KAZN: variants seen among roughly 807,000 people sequenced by gnomAD.
KAZN encodes the protein kazrin.
KAZN carries 40 observed loss-of-function variants against 87.4 expected under a neutral mutation model. The ratio of observed to expected loss-of-function variants is 0.46; its 90% CI spans 0.36 to 0.60. KAZN has a LOEUF of 0.60. KAZN is among the 20% of genes least tolerant of loss of function. The probability of loss-of-function intolerance (pLI) is 0.00; values close to 1 mark genes in which losing one functional copy is unlikely to be tolerated. For synonymous variants in KAZN, 466 were observed against 458.3 expected (o/e 1.02, Z -0.22); for missense variants, 898 against 1,073.9 (o/e 0.84, Z 2.29).
intron 2 of KAZN, among the ~76,000 whole-genome samples, chr1:14,220,861 A>C (rs1401487175): frequency 6.6e-6 from 1 of 152,134 alleles, no homozygotes; most frequent in Admixed American, 6.5e-5. Context: ...AAATGGCCTT[A>C]ATTTACATTG....
chr1:14,967,953 C>T (rs1021850778), intron 2 of KAZN, among the ~76,000 whole-genome samples: 1 of 152,120 alleles, frequency 6.6e-6, no homozygotes, highest in African/African-American at 2.4e-5. Context: ...GCACCAGGGA[C>T]CGGTTTCATG....
chr1:14,933,137 G>T (rs150961198), intron 1 of KAZN, among the ~76,000 whole-genome samples: 2 of 152,184 alleles, frequency 1.3e-5, no homozygotes, highest in African/African-American at 2.4e-5. Flanking sequence ...TGTTGCCCAA[G>T]CTGGAGTCCA....
intron 1 of KAZN, among the ~76,000 whole-genome samples, chr1:14,140,306 A>G (rs1193308606): frequency 6.6e-6 from 1 of 152,126 alleles, no homozygotes; most frequent in East Asian, 1.9e-4. Context: ...AATAAGACAC[A>G]TGGCTATGAG....
At chr1:14,644,283 A>G (rs1334940927) in intron 1 of KAZN, among the ~76,000 whole-genome samples, 3 of 151,128 alleles carry the variant, frequency 2.0e-5, no homozygotes, top group Non-Finnish European at 4.4e-5. Context: ...AAATGCTGGG[A>G]TTACAGGCAT....
At chr1:14,684,029 G>T (rs1451981868) in intron 1 of KAZN, among the ~76,000 whole-genome samples, 3 of 152,114 alleles carry the variant, frequency 2.0e-5, no homozygotes, top group African/African-American at 7.2e-5. Context: ...CTTTATTCTA[G>T]AATAGAATTA....
At chr1:14,456,623 C>A (rs987111387) in intron 2 of KAZN, among the ~76,000 whole-genome samples, 9 of 152,144 alleles carry the variant, frequency 5.9e-5, no homozygotes, top group African/African-American at 2.2e-4. Flanking sequence ...CTAATATCTG[C>A]AAAATATTAC....
intron 11 of KAZN, 55 bp from the exon 12 acceptor site, chr1:15,103,304 C>T (rs911151831): frequency 5.3e-6 from 7 of 1,331,844 alleles, no homozygotes; most frequent in Non-Finnish European, 7.4e-6. Context: ...CCACTCCACA[C>T]GTGGCCTCTG....
chr1:14,299,511 A>G (rs1213800921), intron 2 of KAZN, among the ~76,000 whole-genome samples: 1 of 152,026 alleles, frequency 6.6e-6, no homozygotes, highest in Non-Finnish European at 1.5e-5. Flanking sequence ...TCTCAAAAAA[A>G]GAAAAGAAAA....
chr1:14,254,458 A>T (rs1045075452), intron 2 of KAZN, among the ~76,000 whole-genome samples: 9 of 152,126 alleles, frequency 5.9e-5, no homozygotes, highest in Non-Finnish European at 1.2e-4. Flanking sequence ...ACAGCCCCTA[A>T]TGGCTGATTG....
chr1:14,939,973 C>T (rs1469062124), intron 1 of KAZN, among the ~76,000 whole-genome samples: 2 of 152,172 alleles, frequency 1.3e-5, no homozygotes, highest in Non-Finnish European at 2.9e-5. Context: ...CTAGCCTGAT[C>T]ATCCCACCCA....
chr1:14,791,016 G>C (rs985711142), intron 1 of KAZN, among the ~76,000 whole-genome samples: 8 of 152,138 alleles, frequency 5.3e-5, no homozygotes, highest in African/African-American at 1.9e-4. Context: ...GGGAGGGCAG[G>C]CTGGATTCCA....
At chr1:14,607,618 T>G (rs1677473701) in intron 1 of KAZN, among the ~76,000 whole-genome samples, 1 of 152,210 alleles carries the variant, frequency 6.6e-6, no homozygotes, top group Admixed American at 6.5e-5. Flanking sequence ...CAGGGACTCC[T>G]GTCTGGCCAG....
chr1:14,016,697 T>C (rs1640589702), intron 1 of KAZN, among the ~76,000 whole-genome samples: 1 of 152,182 alleles, frequency 6.6e-6, no homozygotes, highest in Admixed American at 6.5e-5. Flanking sequence ...CCTCTGACCT[T>C]TGTTTTTGTG....
intron 1 of KAZN, among the ~76,000 whole-genome samples, chr1:14,793,077 G>T (rs1268090157): frequency 6.6e-6 from 1 of 152,108 alleles, no homozygotes; most frequent in Non-Finnish European, 1.5e-5. Context: ...TGTGTGGCAT[G>T]TTAAGGCGGT....
chr1:14,117,020 G>C (rs533864226), intron 1 of KAZN, among the ~76,000 whole-genome samples: 1 of 152,316 alleles, frequency 6.6e-6, no homozygotes, highest in Non-Finnish European at 1.5e-5. Flanking sequence ...TTGTCTGTAG[G>C]AAGTAACTAA....
chr1:14,193,156 G>T (rs544967700), intron 2 of KAZN, among the ~76,000 whole-genome samples: 1 of 152,088 alleles, frequency 6.6e-6, no homozygotes, highest in Non-Finnish European at 1.5e-5. Context: ...CCTTGCTTCC[G>T]CTTCACCTTC....
chr1:14,023,286 C>A (rs565653594), intron 1 of KAZN, among the ~76,000 whole-genome samples: 1 of 152,150 alleles, frequency 6.6e-6, no homozygotes, highest in East Asian at 1.9e-4. Context: ...TGCTCCACTG[C>A]GCTCCAGCCT....
At chr1:14,376,099 G>A (rs576662175) in intron 2 of KAZN, among the ~76,000 whole-genome samples, 11 of 152,258 alleles carry the variant, frequency 7.2e-5, no homozygotes, top group Admixed American at 1.3e-4. Flanking sequence ...CATGGACCCA[G>A]CACCTGAACA....
intron 2 of KAZN, among the ~76,000 whole-genome samples, chr1:14,526,157 A>G (rs1671851939): frequency 6.6e-6 from 1 of 152,196 alleles, no homozygotes; most frequent in African/African-American, 2.4e-5. Context: ...CTGGCTTTGA[A>G]GCCCTCCTCA....
Sources: allele counts gnomAD v4.1 joint callset (sites outside exome capture counted in the v4.1 genomes callset), GRCh38; gene constraint gnomAD v4.1.1; transcripts MANE v1.5; gene names NCBI Gene and HGNC (gene_info 2026-07-23, HGNC 2026-07-21).